The following LMCD1 variants were observed in gnomAD, a reference collection of about 807,000 sequenced individuals.
LMCD1 encodes LIM and cysteine rich domains 1, also known as LIM and cysteine-rich domains protein 1.
In LMCD1, 32 loss-of-function variants were observed where a neutral mutation model predicts 42.7. The observed-to-expected ratio is 0.75, with a 90% confidence interval of 0.57 to 1.01. LMCD1 has a LOEUF of 1.01. Ranked by LOEUF, LMCD1 falls within the 50% of genes least tolerant of loss-of-function variation. The pLI is 0.00. For missense variants in LMCD1, 458 were observed against 483.1 expected, an observed-to-expected ratio of 0.95 and a Z score of 0.49; for synonymous variants, 178 against 184.9, an observed-to-expected ratio of 0.96 and a Z score of 0.30.
rs767373590 is a variant in LMCD1, at chr3:8,567,487, C to G, written c.987C>G (p.His329Gln). ...DYQRVEDLAW[H>Q]RKHFVCEGCE... Reference sequence around the variant, plus strand: ...AGCGTGTGGAAGATCTGGCCTGGCACCGAAAGCACTTTGTCTGTGAGGGTT... The same window carrying G: ...AGCGTGTGGAAGATCTGGCCTGGCAGCGAAAGCACTTTGTCTGTGAGGGTT... Residue 329 changes from histidine (H) to glutamine (Q), a missense_variant, in exon 6 of 6, where the codon CAC becomes CAG. Physicochemically the swap from His to Gln is conservative, Grantham distance 24. Transcript: ENST00000157600. 3.1e-6 allele frequency: 5 copies of G among 1,613,980 alleles called. No homozygotes were observed. In the Admixed American group the frequency reaches 6.7e-5, roughly 22 times the overall value.
At chr3:8,516,825 G>C (rs190067113) in intron 1 of LMCD1, among the ~76,000 whole-genome samples, 311 of 152,282 alleles carry the variant, frequency 2.0e-3, no homozygotes, top group South Asian at 3.5e-3. Context: ...TATCCTTAGT[G>C]TTATTAGTCA....
intron 4 of LMCD1, 31 bp from the exon 5 acceptor site, chr3:8,565,401 T>C: frequency 6.3e-7 from 1 of 1,589,310 alleles, no homozygotes; most frequent in Non-Finnish European, 8.6e-7. Flanking sequence ...CTGACTTCCT[T>C]GTCTCCTATG....
chr3:8,536,101 G>T (rs974344968), intron 2 of LMCD1, among the ~76,000 whole-genome samples: 2 of 152,186 alleles, frequency 1.3e-5, no homozygotes, highest in African/African-American at 4.8e-5. Flanking sequence ...TTTACCTCCT[G>T]ACTGTAGGAG....
At chr3:8,560,385 CTTCA>C (rs1308005400) in intron 4 of LMCD1, among the ~76,000 whole-genome samples, 2 of 152,178 alleles carry the variant, frequency 1.3e-5, no homozygotes, top group African/African-American at 4.8e-5. Context: ...CCCCTCCTTC[CTTCA>C]GTGTATCATC....
At chr3:8,530,445 C>T (rs1200548428) in intron 1 of LMCD1, among the ~76,000 whole-genome samples, 3 of 152,162 alleles carry the variant, frequency 2.0e-5, no homozygotes, top group Admixed American at 6.5e-5. Context: ...AATCAAACCC[C>T]GAGTTTGCAG....
chr3:8,560,803 G>C (rs1695021004), intron 4 of LMCD1, among the ~76,000 whole-genome samples: 1 of 152,088 alleles, frequency 6.6e-6, no homozygotes. Flanking sequence ...TTTCATTTGA[G>C]CGAAAAACTC....
chr3:8,502,152 C>T (rs1693737002), intron 1 of LMCD1, among the ~76,000 whole-genome samples, 172 bp downstream of exon 1: 1 of 145,692 alleles, frequency 6.9e-6, no homozygotes, highest in Non-Finnish European at 1.5e-5. Context: ...GCACACACAC[C>T]CCAAACCCAA....
chr3:8,519,794 T>G (rs1694166437), intron 1 of LMCD1, among the ~76,000 whole-genome samples: 1 of 151,390 alleles, frequency 6.6e-6, no homozygotes. Flanking sequence ...AGAAGGATGC[T>G]TGTTTAAAAC....
chr3:8,521,458 C>A (rs9856112), intron 1 of LMCD1, among the ~76,000 whole-genome samples: 9,254 of 152,260 alleles, frequency 0.061, 559 homozygotes, highest in African/African-American at 0.15. Context: ...TTTTTCCATG[C>A]TTCCCCTTCT....
In LMCD1 at chr3:8,532,718, T is replaced by C; in HGVS notation, c.43-19T>C. The C allele has an allele frequency of 6.2e-7, 1 of 1,612,124 alleles. No individual in the cohort carries two copies. The highest frequency in any genetic ancestry group is 8.5e-7 in the Non-Finnish European group (1 of 1,178,372). On this transcript the variant is annotated intron_variant, in intron 1 of 5. Transcript: ENST00000157600. ...AGATGTTTGGAAGGAAAACACCCTCTTTTCTGTTCCTTTTCCAGATGTCCC... is the reference window on the plus strand; with the variant it reads ...AGATGTTTGGAAGGAAAACACCCTCCTTTCTGTTCCTTTTCCAGATGTCCC...
intron 3 of LMCD1, among the ~76,000 whole-genome samples, chr3:8,546,090 G>A (rs1694730317): frequency 6.6e-6 from 1 of 152,154 alleles, no homozygotes; most frequent in African/African-American, 2.4e-5. Flanking sequence ...CTAAGATCAG[G>A]CCATTGCACT....
In LMCD1 at chr3:8,569,418, A is replaced by C. The variant is rs1432088691; in HGVS notation, c.*1820A>C. 2 of 152,138 alleles carry C rather than the reference A, an allele frequency of 1.3e-5. No individual in the cohort carries two copies. The highest frequency in any genetic ancestry group is 2.9e-5 in the Non-Finnish European group (2 of 68,040). 9.4% of individuals were successfully genotyped at this position (152,138 alleles called of 1,614,324 possible). A position where few individuals can be genotyped will look rare whatever the true frequency, so the allele number is the denominator to read the frequency against. On this transcript the variant is annotated 3_prime_UTR_variant, in exon 6 of 6. Coordinates refer to ENST00000157600, the MANE Select transcript of LMCD1 (RefSeq NM_014583.4). ...ATATTCACCAATTCATCATTCATTC[A>C]TCCATTCCACAAGTATTTCAGTGAG...
At chr3:8,545,433 A>G (rs1470179755) in intron 3 of LMCD1, among the ~76,000 whole-genome samples, 3 of 152,234 alleles carry the variant, frequency 2.0e-5, no homozygotes, top group East Asian at 1.9e-4. Context: ...AGCAAAATTC[A>G]TATTTCTTCC....
At chr3:8,523,614 G>A (rs1694243592) in intron 1 of LMCD1, among the ~76,000 whole-genome samples, 1 of 152,264 alleles carries the variant, frequency 6.6e-6, no homozygotes, top group Non-Finnish European at 1.5e-5. Context: ...CCAAAGCTTG[G>A]GGAGGTGAGT....
At position 8,537,232 on chromosome 3, in the gene LMCD1, C is replaced by T; in HGVS notation, c.179C>T (p.Thr60Ile). The change falls in exon 3 of 6, where the codon ACA becomes ATA. Residue 60 changes from threonine (T) to isoleucine (I), a missense_variant. By Grantham distance (89) the Thr-to-Ile change is moderately conservative. Transcript: ENST00000157600. ...TGCAGCCAAGAGGACCACTGCCTAA[C>T]ATCTGACCTAGAAGACGATCGGAAA... Reference protein sequence around the residue: ...CKCSQEDHCLTSDLEDDRKIG... With the variant: ...CKCSQEDHCLISDLEDDRKIG... The T allele has an allele frequency of 1.2e-6, 2 of 1,614,158 alleles. No individual in the cohort carries two copies. Among genetic ancestry groups the T allele is most frequent in the Non-Finnish European group, 1.7e-6 (2 of 1,180,026 alleles).
intron 2 of LMCD1, among the ~76,000 whole-genome samples, chr3:8,535,533 G>C (rs991918033): frequency 3.3e-5 from 5 of 152,180 alleles, no homozygotes; most frequent in African/African-American, 1.2e-4. Context: ...CAAAGGAGTA[G>C]CTTTGCACTA....
At chr3:8,540,201 G>T (rs1694597690) in intron 3 of LMCD1, among the ~76,000 whole-genome samples, 1 of 152,110 alleles carries the variant, frequency 6.6e-6, no homozygotes, top group African/African-American at 2.4e-5. Context: ...ATTACCGAAT[G>T]ATCAAGACTG....
At chr3:8,526,554 G>C (rs540976276) in intron 1 of LMCD1, among the ~76,000 whole-genome samples, 1 of 152,144 alleles carries the variant, frequency 6.6e-6, no homozygotes, top group Non-Finnish European at 1.5e-5. Flanking sequence ...ATGTATCAGT[G>C]GTCTCAAACT....
At chr3:8,525,502 A>C (rs1430526804) in intron 1 of LMCD1, among the ~76,000 whole-genome samples, 1 of 151,984 alleles carries the variant, frequency 6.6e-6, no homozygotes, top group Non-Finnish European at 1.5e-5. Context: ...TATCTTGGCT[A>C]TTGTGAATAG....
Sources: gnomAD v4.1 joint callset for allele counts (sites outside exome capture counted in the v4.1 genomes callset) on GRCh38, gnomAD v4.1.1 for gene constraint, MANE v1.5 for transcripts, NCBI Gene and HGNC (gene_info 2026-07-23, HGNC 2026-07-21) for gene names.